PPP1R15A: variants seen among roughly 807,000 people sequenced by gnomAD.
PPP1R15A encodes the protein protein phosphatase 1 regulatory subunit 15A, also known as growth arrest and DNA damage-inducible protein GADD34.
PPP1R15A carries 43 observed loss-of-function variants against 48.5 expected under a neutral mutation model. The ratio of observed to expected loss-of-function variants is 0.89; its 90% CI spans 0.69 to 1.14. The LOEUF (loss-of-function observed/expected upper bound fraction) is 1.14. Ranked by LOEUF, PPP1R15A falls within the 50% of genes most tolerant of loss-of-function variation. PPP1R15A has a pLI of 0.00. For synonymous variants in PPP1R15A, 327 were observed against 327.4 expected (o/e 1.00, Z 0.01); for missense variants, 868 against 847.2 (o/e 1.02, Z -0.30).
Position 48,874,548 on chromosome 19 carries a change from G to A in PPP1R15A, c.1315G>A (p.Asp439Asn), listed in dbSNP as rs199960462. ...GGCCTGGGTGTATCGGCCAGGAGAG[G>A]ACACGGAGGAGGAGGAAGATGAGGA... ...LKAWVYRPGEDTEEEEDEDVD... is the reference protein window; with the variant it reads ...LKAWVYRPGENTEEEEDEDVD... The change falls in exon 2 of 3, where the codon GAC becomes AAC. Residue 439 changes from aspartate (D) to asparagine (N), a missense_variant. By Grantham distance (23) the Asp-to-Asn change is conservative. Coordinates refer to ENST00000200453, the MANE Select transcript of PPP1R15A (RefSeq NM_014330.5). 1.2e-6 allele frequency: 2 copies of A among 1,614,048 alleles called. No homozygotes were observed. The highest frequency in any genetic ancestry group is 2.7e-5 in the African/African-American group (2 of 74,914).
chr19:48,873,696 G>A lies in PPP1R15A; in HGVS notation c.463G>A (p.Asp155Asn). ...TCTGATAAGGACACTGCAAGGTTCT[G>A]ATAAGAACCCAGGGGAGGAGAAAGC... is the stretch of plus-strand genomic sequence containing the variant. ...SLLIRTLQGSDKNPGEEKAEE... is the reference protein window; with the variant it reads ...SLLIRTLQGSNKNPGEEKAEE... The change falls in exon 2 of 3, where the codon GAT (aspartate) becomes AAT (asparagine). Residue 155 changes from aspartate to asparagine, a missense_variant. Physicochemically the swap from Asp to Asn is conservative, Grantham distance 23. Coordinates refer to ENST00000200453, the MANE Select transcript of PPP1R15A (RefSeq NM_014330.5). 6.2e-7 allele frequency: 1 copy of A among 1,614,182 alleles called. No homozygotes were observed. The highest frequency in any genetic ancestry group is 8.5e-7 in the Non-Finnish European group (1 of 1,180,032).
rs113525688 is a variant in PPP1R15A at position 48,874,097 on chromosome 19, G to A, written c.864G>A (p.Pro288=). Residue 288 remains proline, a synonymous_variant, in exon 2 of 3, where the codon CCG becomes CCA. Transcript: ENST00000200453. ...ETGKGEAAPG[P]QSSAPAQRPQ... is the part of the protein sequence containing the mutation. ...GGAAAGGAGAAGCTGCCCCAGGGCC[G>A]CAATCCTCAGCCCCAGCCCAGAGGC... The A allele has an allele frequency of 6.8e-6, 11 of 1,614,028 alleles. No homozygotes were observed. Among genetic ancestry groups the A allele is most frequent in the South Asian group, 3.3e-5 (3 of 91,088 alleles).
At chr19:48,872,985 G>A (rs908612925) in intron 1 of PPP1R15A, among the ~76,000 whole-genome samples, 42 of 152,008 alleles carry the variant, frequency 2.8e-4, no homozygotes, top group Non-Finnish European at 5.7e-4. Context: ...AGAGAGGGCT[G>A]GGGGCTTGGA....
chr19:48,872,946 T>C (rs1204313446), intron 1 of PPP1R15A, among the ~76,000 whole-genome samples: 1 of 151,948 alleles, frequency 6.6e-6, no homozygotes, highest in Non-Finnish European at 1.5e-5. Context: ...TTCTTGGTTC[T>C]TGGGACTGGG....
rs144588770 is a variant in PPP1R15A at position 48,873,803 on chromosome 19, G to A, written c.570G>A (p.Val190=). 89 of 1,614,024 alleles carry A rather than the reference G, an allele frequency of 5.5e-5. No homozygotes were observed. The highest frequency in any genetic ancestry group is 3.0e-4 in the Admixed American group (18 of 60,000). Residue 190 remains valine (V), a synonymous_variant, in exon 2 of 3, where the codon GTG becomes GTA. Coordinates refer to ENST00000200453, the MANE Select transcript of PPP1R15A (RefSeq NM_014330.5). The part of the protein sequence containing the change: ...PPSHRECCPA[V]EEEDDEEAVK... Reference sequence around the variant, plus strand: ...CACACCGGGAGTGTTGTCCAGCCGTGGAGGAGGAGGACGATGAAGAAGCTG... The same window carrying A: ...CACACCGGGAGTGTTGTCCAGCCGTAGAGGAGGAGGACGATGAAGAAGCTG...
In PPP1R15A at chr19:48,873,720, G is replaced by A. The variant is rs1599954004; in HGVS notation, c.487G>A (p.Ala163Thr). 6.2e-6 allele frequency: 10 copies of A among 1,614,032 alleles called. No individual in the cohort carries two copies. Among genetic ancestry groups the A allele is most frequent in the Non-Finnish European group, 8.5e-6 (10 of 1,179,990 alleles). Residue 163 changes from alanine to threonine, a missense_variant, in exon 2 of 3, where the codon GCC becomes ACC. Ala to Thr is a moderately conservative substitution (Grantham distance 58). Transcript: ENST00000200453. Reference protein sequence around the residue: ...GSDKNPGEEKAEEEGVAEEEG... With the variant: ...GSDKNPGEEKTEEEGVAEEEG... ...TGATAAGAACCCAGGGGAGGAGAAA[G>A]CCGAGGAAGAGGGAGTTGCTGAAGA...
intron 1 of PPP1R15A, 35 bp from the exon 2 acceptor site, chr19:48,873,190 C>A: frequency 1.4e-6 from 2 of 1,445,426 alleles, no homozygotes; most frequent in South Asian, 1.5e-5. Context: ...CTCTAAATGG[C>A]CCCTAAACTT....
Position 48,873,723 on chromosome 19 carries a change from G to T in PPP1R15A, c.490G>T (p.Glu164Ter), listed in dbSNP as rs144473195. ...SDKNPGEEKA[E>*]EEGVAEEEGV... is the part of the protein sequence containing the mutation. Reference sequence around the variant, plus strand: ...TAAGAACCCAGGGGAGGAGAAAGCCGAGGAAGAGGGAGTTGCTGAAGAGGA... The same window carrying T: ...TAAGAACCCAGGGGAGGAGAAAGCCTAGGAAGAGGGAGTTGCTGAAGAGGA... Residue 164 changes from glutamate to a stop codon, truncating the protein, a stop_gained, in exon 2 of 3, where the codon GAG (glutamate) becomes TAG (stop). Transcript: ENST00000200453. LOFTEE classifies it high-confidence loss of function. The T allele has an allele frequency of 6.2e-7, 1 of 1,614,082 alleles. No individual in the cohort carries two copies. Among genetic ancestry groups the T allele is most frequent in the East Asian group, 2.2e-5 (1 of 44,884 alleles).
Position 48,874,091 on chromosome 19 carries a change from A to G in PPP1R15A, c.858A>G (p.Pro286=). 1.9e-6 allele frequency: 3 copies of G among 1,614,184 alleles called. No individual in the cohort carries two copies. The highest frequency in any genetic ancestry group is 2.5e-6 in the Non-Finnish European group (3 of 1,180,024). ...HKETGKGEAA[P]GPQSSAPAQR... is the part of the protein sequence containing the mutation. ...AAACTGGGAAAGGAGAAGCTGCCCC[A>G]GGGCCGCAATCCTCAGCCCCAGCCC... Residue 286 remains proline (P), a synonymous_variant, in exon 2 of 3, where the codon CCA becomes CCG. Coordinates refer to ENST00000200453, the MANE Select transcript of PPP1R15A (RefSeq NM_014330.5).
Position 48,874,321 on chromosome 19 carries a change from ACT to A in PPP1R15A, c.1091_1092del (p.Ser364TrpfsTer4). The A allele has an allele frequency of 3.1e-6, 5 of 1,613,100 alleles. No homozygotes were observed. Among genetic ancestry groups the A allele is most frequent in the African/African-American group, 1.3e-5 (1 of 74,592 alleles). ...GATGAGGAAGAAGATGAGGACAGTG[ACT>A]CTGGATCAGATGAGGAAGAGGGAGA... is the stretch of plus-strand genomic sequence containing the variant. On this transcript the variant is annotated frameshift_variant, in exon 2 of 3. Transcript: ENST00000200453. LOFTEE classifies it high-confidence loss of function.
rs147814056 is a variant in PPP1R15A at position 48,875,763 on chromosome 19, C to T, written c.1815C>T (p.Pro605=). 1,768 of 1,613,568 alleles carry T rather than the reference C, an allele frequency of 1.1e-3. 1 individual carries two copies. The highest frequency in any genetic ancestry group is 1.1e-3 in the Non-Finnish European group (1,346 of 1,179,644). The part of the protein sequence containing the change: ...RITQAQEELS[P]CLTPAARARA... ...CCCAGGCCCAGGAGGAGCTGAGCCC[C>T]TGCCTCACCCCTGCTGCCCGGGCCA... Residue 605 remains proline, a synonymous_variant, in exon 3 of 3, where the codon CCC becomes CCT. Transcript: ENST00000200453.
chr19:48,873,691 G>T lies in PPP1R15A; in HGVS notation c.458G>T (p.Gly153Val), dbSNP rs1599953968. The T allele has an allele frequency of 6.2e-7, 1 of 1,614,146 alleles. No individual in the cohort carries two copies. Among genetic ancestry groups the T allele is most frequent in the Non-Finnish European group, 8.5e-7 (1 of 1,180,032 alleles). The change falls in exon 2 of 3, where the codon GGT (glycine) becomes GTT (valine). Residue 153 changes from glycine to valine, a missense_variant. Gly to Val is a moderately radical substitution (Grantham distance 109). Coordinates refer to ENST00000200453, the MANE Select transcript of PPP1R15A (RefSeq NM_014330.5). ...SPSLLIRTLQ[G>V]SDKNPGEEKA... ...AGCCTTCTGATAAGGACACTGCAAGGTTCTGATAAGAACCCAGGGGAGGAG... is the reference window on the plus strand; with the variant it reads ...AGCCTTCTGATAAGGACACTGCAAGTTTCTGATAAGAACCCAGGGGAGGAG...
Position 48,873,862 on chromosome 19 carries a change from C to T in PPP1R15A, c.629C>T (p.Ala210Val), listed in dbSNP as rs1486271221. 2 of 1,614,180 alleles carry T rather than the reference C, an allele frequency of 1.2e-6. No individual in the cohort carries two copies. The highest frequency in any genetic ancestry group is 1.7e-6 in the Non-Finnish European group (2 of 1,180,036). The change falls in exon 2 of 3, where the codon GCC becomes GTC. Residue 210 changes from alanine to valine, a missense_variant. Physicochemically the swap from Ala to Val is moderately conservative, Grantham distance 64. Transcript: ENST00000200453. ...GAAGCTCACAGAACCTCTACTTCTG[C>T]CTTGTCTCCAGGATCCAAGCCCAGC... Reference protein sequence around the residue: ...KKEAHRTSTSALSPGSKPSTW... With the variant: ...KKEAHRTSTSVLSPGSKPSTW...
Position 48,872,487 on chromosome 19 carries a change from G to A in PPP1R15A, c.-174G>A. The A allele has an allele frequency of 2.2e-6, 1 of 456,498 alleles. No homozygotes were observed. Among genetic ancestry groups the A allele is most frequent in the South Asian group, 1.5e-5 (1 of 64,560 alleles). 28.3% of individuals were successfully genotyped at this position (456,498 alleles called of 1,614,324 possible). A position where few individuals can be genotyped will look rare whatever the true frequency, so the allele number is the denominator to read the frequency against. ...ACGCTGCACGACCCCGCGCCCGCTT[G>A]TCGCCACGGCACTTGAGGCAGCCGG... On this transcript the variant is annotated 5_prime_UTR_variant, in exon 1 of 3. Coordinates refer to ENST00000200453, the MANE Select transcript of PPP1R15A (RefSeq NM_014330.5).
Position 48,876,002 on chromosome 19 carries a change from A to G in PPP1R15A, c.*29A>G. 1.3e-6 allele frequency: 2 copies of G among 1,517,818 alleles called. No individual in the cohort carries two copies. Among genetic ancestry groups the G allele is most frequent in the Non-Finnish European group, 1.8e-6 (2 of 1,132,978 alleles). The allele number at this position is 1,517,818 out of a possible 1,614,324, so 94.0% of individuals were successfully genotyped here. A position where few individuals can be genotyped will look rare whatever the true frequency, so the allele number is the denominator to read the frequency against. ...CAACTGGTTTGCCTATAATTTATTAACTATTTATTTTTTCTAAGTGTGGGT... is the reference window on the plus strand; with the variant it reads ...CAACTGGTTTGCCTATAATTTATTAGCTATTTATTTTTTCTAAGTGTGGGT... On this transcript the variant is annotated 3_prime_UTR_variant, in exon 3 of 3. Transcript: ENST00000200453.
chr19:48,873,402 GA>G lies in PPP1R15A; in HGVS notation c.171del (p.Ala58LeufsTer41). On this transcript the variant is annotated frameshift_variant, in exon 2 of 3. Transcript: ENST00000200453. LOFTEE classifies it high-confidence loss of function. ...VEAVKGAALVEAGLEGEARTP... is the reference protein window; with the variant it reads ...VEAVKGAALVXAGLEGEARTP... Reference sequence around the variant, plus strand: ...AGCAGTAAAAGGAGCAGCTCTGGTAGAAGCTGGCCTGGAGGGAGAAGCTAGG... The same window carrying G: ...AGCAGTAAAAGGAGCAGCTCTGGTAGAGCTGGCCTGGAGGGAGAAGCTAGG... 1 of 1,613,734 alleles carries G rather than the reference GA, an allele frequency of 6.2e-7. No individual in the cohort carries two copies. The highest frequency in any genetic ancestry group is 8.5e-7 in the Non-Finnish European group (1 of 1,179,848).
chr19:48,873,834 A>C lies in PPP1R15A; in HGVS notation c.601A>C (p.Lys201Gln). Reference sequence around the variant, plus strand: ...GGAGGACGATGAAGAAGCTGTAAAGAAAGAAGCTCACAGAACCTCTACTTC... The same window carrying C: ...GGAGGACGATGAAGAAGCTGTAAAGCAAGAAGCTCACAGAACCTCTACTTC... ...EEEDDEEAVK[K>Q]EAHRTSTSAL... The change falls in exon 2 of 3, where the codon AAA becomes CAA. Residue 201 changes from lysine (K) to glutamine (Q), a missense_variant. Lys to Gln is a moderately conservative substitution (Grantham distance 53). Transcript: ENST00000200453. The C allele has an allele frequency of 1.2e-6, 2 of 1,614,096 alleles. No homozygotes were observed. The highest frequency in any genetic ancestry group is 1.7e-6 in the Non-Finnish European group (2 of 1,179,990).
rs1288043413 is a variant in PPP1R15A, at chr19:48,874,212, G to GC, written c.979_980insC (p.Glu327AlafsTer30). 22 of 1,614,240 alleles carry GC rather than the reference G, an allele frequency of 1.4e-5. No homozygotes were observed. The highest frequency in any genetic ancestry group is 5.0e-5 in the Admixed American group (3 of 60,022). ...GGCAGCTGAGAAGGATGGAGAAGCTGAGTGTCCTCCCTGCATCCCCCCACC... is the reference window on the plus strand; with the variant it reads ...GGCAGCTGAGAAGGATGGAGAAGCTGCAGTGTCCTCCCTGCATCCCCCCACC... On this transcript the variant is annotated frameshift_variant, in exon 2 of 3. Coordinates refer to ENST00000200453, the MANE Select transcript of PPP1R15A (RefSeq NM_014330.5). LOFTEE classifies it high-confidence loss of function.
intron 2 of PPP1R15A, chr19:48,875,118 C>T (rs183624468): frequency 1.0e-5 from 5 of 501,912 alleles, no homozygotes; most frequent in Non-Finnish European, 1.6e-5. Context: ...TTAGTAGAGA[C>T]GGGGGTTTTG....
Sources: gnomAD v4.1 joint callset for allele counts (sites outside exome capture counted in the v4.1 genomes callset) on GRCh38, gnomAD v4.1.1 for gene constraint, MANE v1.5 for transcripts, NCBI Gene and HGNC (gene_info 2026-07-23, HGNC 2026-07-21) for gene names.